STK25: variants seen among roughly 807,000 people sequenced by gnomAD.
STK25 encodes serine/threonine-protein kinase 25.
STK25 carries 29 observed loss-of-function variants against 53.8 expected under a neutral mutation model. The ratio of observed to expected loss-of-function variants is 0.54; its 90% CI spans 0.40 to 0.74. The LOEUF is 0.74. Among genes scored for constraint, STK25 ranks in the 30% least tolerant of loss-of-function variants. The pLI, the probability that STK25 is intolerant of heterozygous loss-of-function variation, is 0.00. For synonymous variants in STK25, 247 were observed against 238.3 expected, an observed-to-expected ratio of 1.04 and a Z score of -0.33; for missense variants, 420 against 568.0, an observed-to-expected ratio of 0.74 and a Z score of 2.65.
chr2:241,500,405 T>C (rs1252489598), intron 4 of STK25, 124 bp from the exon 5 acceptor site: 1 of 681,308 alleles, frequency 1.5e-6, no homozygotes, highest in Non-Finnish European at 2.5e-6. Flanking sequence ...GTTCCTTTAC[T>C]TCCCAAACAG....
chr2:241,495,982 G>A (rs899645482), intron 11 of STK25, among the ~76,000 whole-genome samples: 11 of 152,348 alleles, frequency 7.2e-5, no homozygotes, highest in African/African-American at 2.2e-4. Flanking sequence ...TCCGTTGGGC[G>A]GTGGAGGGCC....
At chr2:241,505,778 C>T (rs2125003870) in intron 2 of STK25, among the ~76,000 whole-genome samples, 1 of 152,338 alleles carries the variant, frequency 6.6e-6, no homozygotes, top group South Asian at 2.1e-4. Flanking sequence ...AATGACATCG[C>T]AGGCCAAGCC....
At position 241,499,065 on chromosome 2, in the gene STK25, G is replaced by C; in HGVS notation, c.695C>G (p.Pro232Arg). 6.2e-7 allele frequency: 1 copy of C among 1,614,152 alleles called. No individual in the cohort carries two copies. Among genetic ancestry groups the C allele is most frequent in the Middle Eastern group, 1.6e-4 (1 of 6,062 alleles). The change falls in exon 7 of 12, where the codon CCA becomes CGA. Residue 232 changes from proline (P) to arginine (R), a missense_variant. By Grantham distance (103) the Pro-to-Arg change is moderately radical. Coordinates refer to ENST00000316586, the MANE Select transcript of STK25 (RefSeq NM_001271977.2). ...GCTGTGCTGGCCCTCCAGTGTGGGT[G>C]GGCTGTTCTTGGGAATCAGGAACAG... is the stretch of plus-strand genomic sequence containing the variant. ...RVLFLIPKNS[P>R]PTLEGQHSKP... is the part of the protein sequence containing the mutation.
rs933913347 is a variant in STK25 at position 241,495,220 on chromosome 2, C to T, written c.*442G>A. On this transcript the variant is annotated 3_prime_UTR_variant, in exon 12 of 12. Coordinates refer to ENST00000316586, the MANE Select transcript of STK25 (RefSeq NM_001271977.2). ...GCAAATCTATGGCCATCATGGGCCC[C>T]GGGAGGACAGCGGCCAGGACACTCC... is the stretch of plus-strand genomic sequence containing the variant. 6.0e-6 allele frequency: 1 copy of T among 167,002 alleles called. No individual in the cohort carries two copies. The highest frequency in any genetic ancestry group is 1.3e-5 in the Non-Finnish European group (1 of 77,930). 10.3% of individuals were successfully genotyped at this position (167,002 alleles called of 1,614,324 possible). A position where few individuals can be genotyped will look rare whatever the true frequency, so the allele number is the denominator to read the frequency against.
At chr2:241,500,863 C>A in intron 3 of STK25, 67 bp from the exon 4 acceptor site, 1 of 1,557,480 alleles carries the variant, frequency 6.4e-7, no homozygotes, top group South Asian at 1.1e-5. Flanking sequence ...GGGTGGGAGT[C>A]ACAGGCCGGA....
rs535137758 is a variant in STK25, at chr2:241,492,879, A to G, written c.*2783T>C. On this transcript the variant is annotated 3_prime_UTR_variant, in exon 12 of 12. Coordinates refer to ENST00000316586, the MANE Select transcript of STK25 (RefSeq NM_001271977.2). ...CTTGGGGAGCAAACCCACTCCCACA[A>G]GGGGTCCTGGGTGCTGGTTAATGCA... is the stretch of plus-strand genomic sequence containing the variant. The G allele has an allele frequency of 6.5e-6, 7 of 1,078,934 alleles. No individual in the cohort carries two copies. The South Asian group carries it at 8.8e-5, about 14-fold the overall frequency. 66.8% of individuals were successfully genotyped at this position (1,078,934 alleles called of 1,614,324 possible).
In STK25 at chr2:241,493,228, A is replaced by G; in HGVS notation, c.*2434T>C. The G allele has an allele frequency of 6.4e-7, 1 of 1,550,716 alleles. No individual in the cohort carries two copies. Among genetic ancestry groups the G allele is most frequent in the African/African-American group, 1.4e-5 (1 of 73,866 alleles). ...TACGTGCCACCGTTGTGCAGGTAGC[A>G]GAGGAATGGGCATTCCCTGTGGCAA... is the stretch of plus-strand genomic sequence containing the variant. On this transcript the variant is annotated 3_prime_UTR_variant, in exon 12 of 12. Transcript: ENST00000316586.
At chr2:241,499,874 T>C (rs1217306376) in intron 5 of STK25, 7 of 504,048 alleles carry the variant, frequency 1.4e-5, no homozygotes, top group Non-Finnish European at 2.2e-5. Flanking sequence ...ACGCTGGGGC[T>C]ACTCAATTCT....
chr2:241,501,219 T>C lies in STK25; in HGVS notation c.261+259A>G, dbSNP rs913912941. On this transcript the variant is annotated intron_variant, in intron 3 of 11. Transcript: ENST00000316586. The surrounding 1 kb of genome is among the most constrained non-coding windows in gnomAD (Gnocchi z 5.3). ...TCACAGGCCCACTCACCACTGCCAGTAGGGGCCCCCCAGAGTGCTCCTAGC... is the reference window on the plus strand; with the variant it reads ...TCACAGGCCCACTCACCACTGCCAGCAGGGGCCCCCCAGAGTGCTCCTAGC... 5 of 569,212 alleles carry C rather than the reference T, an allele frequency of 8.8e-6. No homozygotes were observed. Among genetic ancestry groups the C allele is most frequent in the African/African-American group, 5.6e-5 (3 of 53,392 alleles). 35.3% of individuals were successfully genotyped at this position (569,212 alleles called of 1,614,324 possible).
At position 241,500,156 on chromosome 2, in the gene STK25, T is replaced by A; in HGVS notation, c.427+17A>T. 2 of 1,608,196 alleles carry A rather than the reference T, an allele frequency of 1.2e-6. No homozygotes were observed. Among genetic ancestry groups the A allele is most frequent in the Non-Finnish European group, 1.7e-6 (2 of 1,174,956 alleles). On this transcript the variant is annotated intron_variant, in intron 5 of 11. Transcript: ENST00000316586. Reference sequence around the variant, plus strand: ...GGCTCAGGACGTTACAAGAGCCACATCCACCCCCAGCAGGACCTTTGATGT... The same window carrying A: ...GGCTCAGGACGTTACAAGAGCCACAACCACCCCCAGCAGGACCTTTGATGT...
Position 241,498,726 on chromosome 2 carries a change from G to A in STK25, c.830C>T (p.Thr277Ile). 1 of 1,614,146 alleles carries A rather than the reference G, an allele frequency of 6.2e-7. No individual in the cohort carries two copies. Among genetic ancestry groups the A allele is most frequent in the Non-Finnish European group, 8.5e-7 (1 of 1,180,028 alleles). ...HKFITRYTKK[T>I]SFLTELIDRY... is the part of the protein sequence containing the mutation. ...GTCGATGAGCTCCGTGAGGAAGGAG[G>A]TCTTCTTGGTGTAGCGTGTGATGAA... The change falls in exon 8 of 12, where the codon ACC becomes ATC. Residue 277 changes from threonine (T) to isoleucine (I), a missense_variant. Coordinates refer to ENST00000316586, the MANE Select transcript of STK25 (RefSeq NM_001271977.2).
chr2:241,497,919 C>CT (rs748732437), intron 9 of STK25, among the ~76,000 whole-genome samples: 11 of 148,384 alleles, frequency 7.4e-5, no homozygotes, highest in East Asian at 5.9e-4. Flanking sequence ...TCTCCTGACT[C>CT]TGAGGGCCTG....
intron 11 of STK25, 26 bp from the exon 12 acceptor site, chr2:241,495,727 C>A: frequency 6.2e-7 from 1 of 1,613,336 alleles, no homozygotes; most frequent in Non-Finnish European, 8.5e-7. Context: ...CCCACTGCTG[C>A]GTGCGTGCAC....
At chr2:241,506,808 T>C (rs1341753943) in intron 2 of STK25, among the ~76,000 whole-genome samples, 1 of 152,134 alleles carries the variant, frequency 6.6e-6, no homozygotes, top group African/African-American at 2.4e-5. Flanking sequence ...GTGGCAGATT[T>C]TTCTCCCAGC....
At chr2:241,498,883 C>T in intron 7 of STK25, 99 bp from the exon 8 acceptor site, 1 of 1,607,694 alleles carries the variant, frequency 6.2e-7, no homozygotes, top group Middle Eastern at 1.7e-4. Context: ...GCCCTCACAG[C>T]TACAAGGCTG....
intron 2 of STK25, among the ~76,000 whole-genome samples, chr2:241,506,803 A>G (rs746652943): frequency 1.2e-4 from 19 of 152,344 alleles, no homozygotes; most frequent in Non-Finnish European, 1.9e-4. Context: ...AACTGGTGGC[A>G]GATTTTTCTC....
rs1357355295 is a variant in STK25 at position 241,506,981 on chromosome 2, G to T, written c.30+1025C>A. 3.3e-5 allele frequency among the ~76,000 whole-genome samples: 5 copies of T among 152,090 alleles called. No homozygotes were observed. The East Asian group carries it at 9.6e-4, about 29-fold the overall frequency. On this transcript the variant is annotated intron_variant, in intron 2 of 11. Transcript: ENST00000316586. ...CATGGTGTTCCGGGTCTCTAGGCTG[G>T]TCCGGTTTCCTCCAAAGCAGCCCTG...
At chr2:241,499,476 C>T in intron 5 of STK25, 62 bp from the exon 6 acceptor site, 3 of 1,566,738 alleles carry the variant, frequency 1.9e-6, no homozygotes, top group Non-Finnish European at 2.6e-6. Context: ...CCCGGGCCCC[C>T]TGAGAAGGGC....
At position 241,504,617 on chromosome 2, in the gene STK25, A is replaced by T. The variant is rs1280360241; in HGVS notation, c.31-2909T>A. Among the ~76,000 whole-genome samples, 3 of 152,160 alleles carry T rather than the reference A, an allele frequency of 2.0e-5. No homozygotes were observed. In the East Asian group the frequency reaches 5.8e-4, roughly 29 times the overall value. On this transcript the variant is annotated intron_variant, in intron 2 of 11. Transcript: ENST00000316586. ...GAGGTGAGAACCAGCCCCTATCTGAAAGGAAAGTCAACCCAGAACATGCAA... is the reference window on the plus strand; with the variant it reads ...GAGGTGAGAACCAGCCCCTATCTGATAGGAAAGTCAACCCAGAACATGCAA...
Sources: allele counts gnomAD v4.1 joint callset (sites outside exome capture counted in the v4.1 genomes callset), GRCh38; gene constraint gnomAD v4.1.1; non-coding constraint Gnocchi (gnomAD v3.1); transcripts MANE v1.5; gene names NCBI Gene and HGNC (gene_info 2026-07-23, HGNC 2026-07-21).